SGCG: variants seen among roughly 807,000 people sequenced by gnomAD.
SGCG encodes the protein sarcoglycan gamma, also known as gamma-sarcoglycan.
Under a neutral mutation model 29.3 loss-of-function variants are expected in SGCG, and 26 were observed. That is an observed-to-expected ratio of 0.89 (90% CI 0.65 to 1.23). The LOEUF is 1.23. Among genes scored for constraint, SGCG ranks in the 50% most tolerant of loss-of-function variants. SGCG has a pLI of 0.00. For missense variants in SGCG, 353 were observed against 356.0 expected (o/e 0.99, Z 0.07); for synonymous variants, 145 against 129.7 (o/e 1.12, Z -0.80).
intron 1 of SGCG, among the ~76,000 whole-genome samples, chr13:23,184,661 A>T (rs1876898611): frequency 6.6e-6 from 1 of 152,146 alleles, no homozygotes; most frequent in South Asian, 2.1e-4. Context: ...GATGGCCAGT[A>T]AGGGGGTCTT....
At chr13:23,228,708 G>A (rs1020405318) in intron 2 of SGCG, among the ~76,000 whole-genome samples, 1 of 152,120 alleles carries the variant, frequency 6.6e-6, no homozygotes, top group Non-Finnish European at 1.5e-5. Context: ...TTATAAGTGA[G>A]AGCATGCAGT....
At chr13:23,234,256 A>G (rs1403354249) in intron 2 of SGCG, among the ~76,000 whole-genome samples, 2 of 152,218 alleles carry the variant, frequency 1.3e-5, no homozygotes, top group African/African-American at 2.4e-5. Flanking sequence ...ACAAATCTAT[A>G]TATGTGTTAA....
chr13:23,257,580 G>T (rs991411901), intron 4 of SGCG, among the ~76,000 whole-genome samples: 3 of 152,134 alleles, frequency 2.0e-5, no homozygotes, highest in African/African-American at 4.8e-5. Flanking sequence ...TTTGACTTTG[G>T]TTGCCATTGC....
intron 1 of SGCG, among the ~76,000 whole-genome samples, chr13:23,192,421 C>G (rs1877309203): frequency 6.6e-6 from 1 of 151,958 alleles, no homozygotes; most frequent in African/African-American, 2.4e-5. Flanking sequence ...GTCTCAGAGT[C>G]TCACTCTTGT....
intron 6 of SGCG, among the ~76,000 whole-genome samples, chr13:23,304,051 C>T (rs1271543284): frequency 6.6e-6 from 1 of 151,998 alleles, no homozygotes; most frequent in African/African-American, 2.4e-5. Flanking sequence ...TTTTGTATTC[C>T]TTTCTGTGAA....
At chr13:23,276,985 A>G (rs938725258) in intron 4 of SGCG, among the ~76,000 whole-genome samples, 2 of 152,224 alleles carry the variant, frequency 1.3e-5, no homozygotes, top group Non-Finnish European at 2.9e-5. Flanking sequence ...TTGTACATAA[A>G]AAGCATGCAA....
rs1238626476 is a variant in SGCG, at chr13:23,322,768, AC to A, written c.703-1598del. On this transcript the variant is annotated intron_variant, in intron 7 of 7. Transcript: ENST00000218867. ...TGCACAGACCGCCCCCCACCCATCC[AC>A]CTCCCCCCCCCCCCCCCCCCGCCAA... Among the ~76,000 whole-genome samples, 281 of 33,462 alleles carry A rather than the reference AC, an allele frequency of 8.4e-3. 16 individuals carry two copies. The Middle Eastern group carries it at 0.085, about 10-fold the overall frequency. 22.0% of individuals were successfully genotyped at this position (33,462 alleles called of 152,430 possible).
intron 4 of SGCG, among the ~76,000 whole-genome samples, chr13:23,251,778 A>G (rs1432573239): frequency 6.6e-6 from 1 of 152,190 alleles, no homozygotes; most frequent in African/African-American, 2.4e-5. Flanking sequence ...TATATTCACT[A>G]TACTATTAAC....
chr13:23,174,897 T>C, the SGCG span, among the ~76,000 whole-genome samples: 1 of 149,302 alleles, frequency 6.7e-6, no homozygotes, highest in African/African-American at 2.5e-5. Flanking sequence ...GGAATCAGCT[T>C]TGACCATGTA....
intron 4 of SGCG, among the ~76,000 whole-genome samples, chr13:23,262,099 G>A (rs1477629841): frequency 5.3e-5 from 8 of 151,808 alleles, no homozygotes; most frequent in African/African-American, 1.7e-4. Flanking sequence ...ATAACACAAT[G>A]AAGGAAAAAC....
At chr13:23,172,223 T>C in the SGCG span, among the ~76,000 whole-genome samples, 1 of 152,192 alleles carries the variant, frequency 6.6e-6, no homozygotes, top group Non-Finnish European at 1.5e-5. Context: ...TATGTGGTTT[T>C]CTCTTTTCTC....
the SGCG span, among the ~76,000 whole-genome samples, chr13:23,169,341 A>C: frequency 6.6e-6 from 1 of 150,578 alleles, no homozygotes. Flanking sequence ...ATTCTCCCTC[A>C]TTCTTCCATT....
intron 4 of SGCG, among the ~76,000 whole-genome samples, chr13:23,259,756 T>C (rs1880353230): frequency 6.6e-6 from 1 of 152,218 alleles, no homozygotes; most frequent in Non-Finnish European, 1.5e-5. Flanking sequence ...TTTGTTCTCA[T>C]TGGTTTCAAA....
chr13:23,232,493 G>A (rs748497313), intron 2 of SGCG, among the ~76,000 whole-genome samples: 9 of 152,250 alleles, frequency 5.9e-5, no homozygotes, highest in South Asian at 2.1e-4. Flanking sequence ...GGGGAAGAGC[G>A]GGAAGATCAA....
intron 1 of SGCG, among the ~76,000 whole-genome samples, chr13:23,193,342 C>A: frequency 6.6e-6 from 1 of 152,236 alleles, no homozygotes; most frequent in Non-Finnish European, 1.5e-5. Flanking sequence ...CAGCAATGGT[C>A]CTCTTGTTGG....
chr13:23,272,365 G>T (rs1351560789), intron 4 of SGCG, among the ~76,000 whole-genome samples: 1 of 152,130 alleles, frequency 6.6e-6, no homozygotes, highest in Non-Finnish European at 1.5e-5. Context: ...GATCATAAAT[G>T]TGTGCTGAAT....
chr13:23,309,880 T>C lies in SGCG; in HGVS notation c.579-10757T>C, dbSNP rs953404598. ...TTGTACATCTTCAGGTCCATTTTGG[T>C]TGTTTCCTTGCTAGAAATTTTTCCT... On this transcript the variant is annotated intron_variant, in intron 6 of 7. Coordinates refer to ENST00000218867, the MANE Select transcript of SGCG (RefSeq NM_000231.3). Among the ~76,000 whole-genome samples, 7 of 152,110 alleles carry C rather than the reference T, an allele frequency of 4.6e-5. No homozygotes were observed. The East Asian group carries it at 1.3e-3, about 29-fold the overall frequency.
chr13:23,301,390 G>A (rs1398100773), intron 6 of SGCG, among the ~76,000 whole-genome samples: 2 of 152,040 alleles, frequency 1.3e-5, no homozygotes, highest in Non-Finnish European at 2.9e-5. Context: ...TAAAATCACT[G>A]GCCCCCAGAA....
intron 2 of SGCG, among the ~76,000 whole-genome samples, chr13:23,225,077 G>A (rs898501429): frequency 1.3e-5 from 2 of 152,088 alleles, no homozygotes; most frequent in Non-Finnish European, 2.9e-5. Context: ...ATCCCAGCTG[G>A]TGTAAATACT....
Sources: gnomAD v4.1 joint callset for allele counts (sites outside exome capture counted in the v4.1 genomes callset) on GRCh38, gnomAD v4.1.1 for gene constraint, MANE v1.5 for transcripts, NCBI Gene and HGNC (gene_info 2026-07-23, HGNC 2026-07-21) for gene names.